CDH23: variants seen among roughly 807,000 people sequenced by gnomAD.
The protein encoded by CDH23 is cadherin related 23.
A neutral mutation model predicts 317.1 loss-of-function variants in CDH23; 189 were observed. The observed-to-expected ratio is 0.60, with a 90% CI of 0.53 to 0.67. CDH23 has a LOEUF of 0.67. Ranked by LOEUF, CDH23 falls within the 30% of genes least tolerant of loss-of-function variation. The probability of loss-of-function intolerance (pLI) is 0.00; values close to 1 mark genes in which losing one functional copy is unlikely to be tolerated. For missense variants in CDH23, 4,401 were observed against 4,592.4 expected, an observed-to-expected ratio of 0.96 and a Z score of 1.20; for synonymous variants, 1,839 against 1,876.8, an observed-to-expected ratio of 0.98 and a Z score of 0.52.
chr10:71,469,173 C>T lies in CDH23; in HGVS notation c.145+22778C>T, dbSNP rs974828614. Among the ~76,000 whole-genome samples the T allele has an allele frequency of 2.0e-5, 3 of 152,220 alleles. No homozygotes were observed. The East Asian group carries it at 5.8e-4, about 29-fold the overall frequency. ...GTAATTGACATATGATAGACTGCAC[C>T]ACTTAAAGTGTATAATGGATAAGTT... On this transcript the variant is annotated intron_variant, in intron 3 of 69. Coordinates refer to ENST00000224721, the MANE Select transcript of CDH23 (RefSeq NM_022124.6).
At chr10:71,491,351 A>G (rs189130699) in intron 3 of CDH23, among the ~76,000 whole-genome samples, 8 of 152,282 alleles carry the variant, frequency 5.3e-5, no homozygotes, top group Admixed American at 2.6e-4. Context: ...TGCACACCCC[A>G]GGAAACATCA....
At chr10:71,611,279 A>T (rs1860875099) in intron 9 of CDH23, among the ~76,000 whole-genome samples, 1 of 152,048 alleles carries the variant, frequency 6.6e-6, no homozygotes, top group Non-Finnish European at 1.5e-5. Context: ...ATCCTGAATG[A>T]GGGGGGAGCA....
intron 61 of CDH23, 121 bp from the exon 62 acceptor site, chr10:71,810,347 TCAAA>T: frequency 1.1e-6 from 1 of 942,306 alleles, no homozygotes; most frequent in Non-Finnish European, 1.7e-6. Flanking sequence ...CAGCAAACAT[TCAAA>T]CATTCAGTAG....
At chr10:71,449,154 G>A (rs1850312239) in intron 3 of CDH23, among the ~76,000 whole-genome samples, 2 of 152,228 alleles carry the variant, frequency 1.3e-5, no homozygotes, top group Admixed American at 6.5e-5. Context: ...GCCCAGGGAT[G>A]GCAGATTGGG....
intron 3 of CDH23, among the ~76,000 whole-genome samples, chr10:71,477,832 C>G (rs537705639): frequency 6.6e-6 from 1 of 152,292 alleles, no homozygotes; most frequent in African/African-American, 2.4e-5. Flanking sequence ...CTGCCTGTCC[C>G]TTTCTCTCTC....
rs377259987 is a variant in CDH23 at position 71,709,153 on chromosome 10, C to T, written c.3162C>T (p.Thr1054=). 16 of 1,613,860 alleles carry T rather than the reference C, an allele frequency of 9.9e-6. No individual in the cohort carries two copies. Among genetic ancestry groups the T allele is most frequent in the African/African-American group, 5.3e-5 (4 of 74,940 alleles). ...SVGYRDAVVR[T]VVGLDRETTA... ...GTTACCGCGATGCCGTTGTGAGAAC[C>T]GTGGTGGGCCTGGACCGGGAGACCA... The change falls in exon 27 of 70, where the codon ACC becomes ACT. Residue 1054 remains threonine (T), a synonymous_variant. Coordinates refer to ENST00000224721, the MANE Select transcript of CDH23 (RefSeq NM_022124.6).
chr10:71,669,182 C>A (rs1589314750), intron 14 of CDH23, among the ~76,000 whole-genome samples: 1 of 152,196 alleles, frequency 6.6e-6, no homozygotes, highest in Admixed American at 6.5e-5. Context: ...GCAGAGGCTT[C>A]CTGAGGCCTT....
chr10:71,690,357 T>G (rs1589338219), intron 19 of CDH23, 111 bp from the exon 20 acceptor site: 1 of 687,836 alleles, frequency 1.5e-6, no homozygotes, highest in Non-Finnish European at 2.4e-6. Flanking sequence ...ACTGGGAGGG[T>G]CCCACGTCCT....
intron 6 of CDH23, among the ~76,000 whole-genome samples, chr10:71,531,447 C>T (rs1855370646): frequency 6.6e-6 from 1 of 152,184 alleles, no homozygotes; most frequent in Non-Finnish European, 1.5e-5. Context: ...TTCTAAGATG[C>T]CCATTTGCCC....
At chr10:71,423,776 C>A (rs1343302007) in intron 1 of CDH23, among the ~76,000 whole-genome samples, 1 of 152,174 alleles carries the variant, frequency 6.6e-6, no homozygotes, top group Non-Finnish European at 1.5e-5. Context: ...GTGTTCCTGC[C>A]TCCAAGGCCA....
chr10:71,510,489 G>A (rs576368139), intron 4 of CDH23, among the ~76,000 whole-genome samples: 2 of 152,184 alleles, frequency 1.3e-5, no homozygotes, highest in African/African-American at 4.8e-5. Flanking sequence ...TTCATCCCTT[G>A]TAGAATGGCC....
intron 19 of CDH23, among the ~76,000 whole-genome samples, chr10:71,688,731 T>C (rs1240420982): frequency 7.9e-5 from 5 of 63,236 alleles, no homozygotes; most frequent in Admixed American, 1.8e-4. Flanking sequence ...GGTGGTGGAG[T>C]CAAGGGTGGT....
At chr10:71,506,975 C>T (rs912068940) in intron 3 of CDH23, among the ~76,000 whole-genome samples, 4 of 152,086 alleles carry the variant, frequency 2.6e-5, no homozygotes, top group Admixed American at 6.5e-5. Context: ...TGCCCAGCGC[C>T]CCCCTTCTTG....
At chr10:71,808,332 ATCCT>A (rs1245556330) in intron 60 of CDH23, among the ~76,000 whole-genome samples, 1 of 151,758 alleles carries the variant, frequency 6.6e-6, no homozygotes, top group Non-Finnish European at 1.5e-5. Context: ...CCCTCATTTT[ATCCT>A]TCCATCCGTC....
intron 1 of CDH23, among the ~76,000 whole-genome samples, chr10:71,407,754 G>A (rs911771027): frequency 3.2e-4 from 49 of 152,320 alleles, no homozygotes; most frequent in South Asian, 2.1e-3. Flanking sequence ...TGTATGGGTG[G>A]TAATCATGAG....
intron 1 of CDH23, among the ~76,000 whole-genome samples, chr10:71,399,888 G>T (rs940730116): frequency 1.3e-5 from 2 of 152,016 alleles, no homozygotes; most frequent in Admixed American, 1.3e-4. Context: ...CTGAGACGGA[G>T]ACTAGATGCT....
At chr10:71,585,247 C>T (rs959145859) in intron 9 of CDH23, among the ~76,000 whole-genome samples, 2 of 152,212 alleles carry the variant, frequency 1.3e-5, no homozygotes, top group Admixed American at 6.5e-5. Flanking sequence ...CTAGGTTTCT[C>T]GGATCATGGT....
chr10:71,413,997 G>C (rs990552672), intron 1 of CDH23, among the ~76,000 whole-genome samples: 1 of 151,128 alleles, frequency 6.6e-6, no homozygotes, highest in Admixed American at 6.6e-5. Flanking sequence ...TGATTTTTGT[G>C]TGTTGATTTT....
intron 3 of CDH23, among the ~76,000 whole-genome samples, chr10:71,480,626 C>T (rs1589122254): frequency 1.3e-5 from 2 of 152,262 alleles, no homozygotes; most frequent in South Asian, 4.1e-4. Context: ...TGGAGCAGGA[C>T]CTGCTGCACA....
Sources: allele counts gnomAD v4.1 joint callset (sites outside exome capture counted in the v4.1 genomes callset), GRCh38; gene constraint gnomAD v4.1.1; transcripts MANE v1.5; gene names NCBI Gene and HGNC (gene_info 2026-07-23, HGNC 2026-07-21).